Variants in SAMMSON observed in about 807,000 individuals in gnomAD.
SAMMSON encodes survival associated mitochondrial melanoma specific oncogenic non-coding RNA, also known as long intergenic non-protein coding RNA 1212.
At chr3:70,395,420 T>A (rs943401152) in intron 2 of SAMMSON, among the ~76,000 whole-genome samples, 3 of 151,048 alleles carry the variant, frequency 2.0e-5, no homozygotes, top group Non-Finnish European at 4.4e-5. Context: ...ACTTCTACTC[T>A]GTGTGGCAAG....
chr3:70,429,601 A>G (rs1263840698), intron 2 of SAMMSON, among the ~76,000 whole-genome samples: 1 of 152,210 alleles, frequency 6.6e-6, no homozygotes, highest in Non-Finnish European at 1.5e-5. Flanking sequence ...ATCCATGAGC[A>G]TTCAATGTTT....
At chr3:70,243,134 T>C (rs1701677386) in intron 4 of SAMMSON, among the ~76,000 whole-genome samples, 1 of 152,188 alleles carries the variant, frequency 6.6e-6, no homozygotes, top group Non-Finnish European at 1.5e-5. Context: ...TAGACTATAT[T>C]GTTTCCTGTG....
intron 1 of SAMMSON, among the ~76,000 whole-genome samples, chr3:70,002,784 A>C (rs2066911259): frequency 6.6e-6 from 1 of 152,102 alleles, no homozygotes; most frequent in Non-Finnish European, 1.5e-5. Flanking sequence ...GCCTGTTATC[A>C]ATTGTGGTTA....
chr3:70,023,729 G>A (rs2067025288), intron 3 of SAMMSON, among the ~76,000 whole-genome samples: 1 of 152,266 alleles, frequency 6.6e-6, no homozygotes, highest in East Asian at 1.9e-4. Context: ...GTTGTTTGAA[G>A]CAAGGTATGA....
chr3:70,010,953 C>T (rs1022002879), intron 1 of SAMMSON, among the ~76,000 whole-genome samples: 2 of 151,986 alleles, frequency 1.3e-5, no homozygotes, highest in African/African-American at 2.4e-5. Flanking sequence ...TGCCTGGTTC[C>T]AACCTTGACA....
At chr3:70,367,114 G>A (rs1702928181) in intron 9 of SAMMSON, among the ~76,000 whole-genome samples, 1 of 151,404 alleles carries the variant, frequency 6.6e-6, no homozygotes, top group Admixed American at 6.6e-5. Flanking sequence ...ATTAAATCCG[G>A]GTAATTGAGA....
At position 70,018,452 on chromosome 3, in the gene SAMMSON, CT is replaced by C. The variant is rs1343364381; in HGVS notation, n.417+4781del. On this transcript the variant is annotated intron_variant and non_coding_transcript_variant, in intron 3 of 9. Transcript: ENST00000642114. ...TCCCCTGTATCATTTTTTATTGCGT[CT>C]ATTTGATTCTTCTCTCTTTTCTTCT... Among the ~76,000 whole-genome samples the C allele has an allele frequency of 1.8e-4, 28 of 152,128 alleles. No homozygotes were observed. The East Asian group carries it at 5.0e-3, about 27-fold the overall frequency.
intron 4 of SAMMSON, chr3:70,126,821 T>A (rs2067461064): frequency 6.2e-6 from 1 of 160,122 alleles, no homozygotes; most frequent in African/African-American, 2.4e-5. Flanking sequence ...GTTCAAGCGA[T>A]CCTCCCACCT....
intron 4 of SAMMSON, among the ~76,000 whole-genome samples, chr3:70,236,039 T>C (rs188237721): frequency 3.9e-5 from 6 of 152,312 alleles, no homozygotes; most frequent in Non-Finnish European, 7.4e-5. Flanking sequence ...AAATGCATCA[T>C]TCTACTTCTC....
chr3:70,175,233 A>G (rs1051596401), intron 4 of SAMMSON, among the ~76,000 whole-genome samples: 1 of 152,116 alleles, frequency 6.6e-6, no homozygotes, highest in Non-Finnish European at 1.5e-5. Flanking sequence ...GCCAATAGCA[A>G]TCAAGACACC....
chr3:70,129,500 G>T (rs1014563064), intron 4 of SAMMSON, among the ~76,000 whole-genome samples: 1 of 152,148 alleles, frequency 6.6e-6, no homozygotes, highest in Admixed American at 6.5e-5. Context: ...GTTAGGGATG[G>T]CCTATTTTTA....
In SAMMSON at chr3:70,050,624, A is replaced by G. The variant is rs183417387; in HGVS notation, n.418-20852A>G. On this transcript the variant is annotated intron_variant and non_coding_transcript_variant, in intron 3 of 9. Coordinates refer to ENST00000642114, the Ensembl canonical transcript of SAMMSON. ...AGTTTAAAGGAATGACAGACTGCTA[A>G]TTAGGATTCCCCTCATGGTTGAATC... 2.6e-5 allele frequency among the ~76,000 whole-genome samples: 4 copies of G among 152,274 alleles called. No homozygotes were observed. The East Asian group carries it at 7.8e-4, about 30-fold the overall frequency.
chr3:70,417,292 A>G (rs1701271425), intron 2 of SAMMSON, among the ~76,000 whole-genome samples: 1 of 152,186 alleles, frequency 6.6e-6, no homozygotes. Flanking sequence ...TTTTAAATTG[A>G]TATCATTCAT....
At chr3:70,090,715 A>C (rs942276449) in intron 4 of SAMMSON, among the ~76,000 whole-genome samples, 2 of 152,084 alleles carry the variant, frequency 1.3e-5, no homozygotes, top group Non-Finnish European at 2.9e-5. Context: ...TTATGTTAAA[A>C]GTACAGCTTT....
rs574640752 is a variant in SAMMSON, at chr3:70,045,420, A to G, written n.418-26056A>G. 4.0e-5 allele frequency among the ~76,000 whole-genome samples: 6 copies of G among 151,540 alleles called. No homozygotes were observed. The East Asian group carries it at 9.7e-4, about 25-fold the overall frequency. On this transcript the variant is annotated intron_variant and non_coding_transcript_variant, in intron 3 of 9. Transcript: ENST00000642114. ...AATAATTAGTTAAGCAAGAGAATCA[A>G]TCTCTTTTAAAAGCTTCCAATTCAC... is the stretch of plus-strand genomic sequence containing the variant.
intron 2 of SAMMSON, chr3:70,424,996 CGGAAGA>C (rs923592848): frequency 1.4e-5 from 2 of 148,112 alleles, no homozygotes; most frequent in African/African-American, 5.0e-5. Flanking sequence ...AAGGGAAAAG[CGGAAGA>C]GAAAGAGAAG....
In SAMMSON at chr3:70,317,645, C is replaced by T. The variant is rs185697433; in HGVS notation, n.739+26402C>T. ...GTATATATATATATGGATATACACG[C>T]GTGTATAGAAACACACTGTTCACTT... On this transcript the variant is annotated intron_variant and non_coding_transcript_variant, in intron 7 of 9. Coordinates refer to ENST00000642114, the Ensembl canonical transcript of SAMMSON. Among the ~76,000 whole-genome samples the T allele has an allele frequency of 3.2e-3, 482 of 150,952 alleles. 1 individual carries two copies. Among genetic ancestry groups the T allele is most frequent in the Non-Finnish European group, 5.4e-3 (363 of 67,656 alleles).
chr3:70,318,661 CT>C (rs1702513916), intron 7 of SAMMSON, among the ~76,000 whole-genome samples: 1 of 151,982 alleles, frequency 6.6e-6, no homozygotes, highest in African/African-American at 2.4e-5. Context: ...GTTACATTTT[CT>C]TGATTCTTCA....
At chr3:70,031,983 G>A (rs1361499751) in intron 3 of SAMMSON, among the ~76,000 whole-genome samples, 2 of 152,156 alleles carry the variant, frequency 1.3e-5, no homozygotes, top group African/African-American at 2.4e-5. Flanking sequence ...TATGAGTTGT[G>A]TTTTACACAT....
Sources: allele counts gnomAD v4.1 joint callset (sites outside exome capture counted in the v4.1 genomes callset), GRCh38; gene constraint gnomAD v4.1.1; transcripts MANE v1.5; gene names NCBI Gene and HGNC (gene_info 2026-07-23, HGNC 2026-07-21).